Variants in KIRREL3 observed in about 807,000 individuals in gnomAD.
KIRREL3 encodes kirre like nephrin family adhesion molecule 3, also known as kin of IRRE-like protein 3.
KIRREL3 carries 36 observed loss-of-function variants against 89.7 expected under a neutral mutation model. The observed-to-expected ratio is 0.40, with a 90% confidence interval of 0.31 to 0.53. KIRREL3 has a LOEUF of 0.53. KIRREL3 is among the 20% of genes least tolerant of loss of function. The probability of loss-of-function intolerance (pLI) is 0.49; values close to 1 mark genes in which losing one functional copy is unlikely to be tolerated. For synonymous variants in KIRREL3, 445 were observed against 441.4 expected, an observed-to-expected ratio of 1.01 and a Z score of -0.10; for missense variants, 864 against 1,056.6, an observed-to-expected ratio of 0.82 and a Z score of 2.53.
rs1348152719 is a variant in KIRREL3, at chr11:126,544,585, T to C, written c.134-17898A>G. Among the ~76,000 whole-genome samples, 1 of 152,118 alleles carries C rather than the reference T, an allele frequency of 6.6e-6. No individual in the cohort carries two copies. The highest frequency in any genetic ancestry group is 6.5e-5 in the Admixed American group (1 of 15,282). On this transcript the variant is annotated intron_variant, in intron 2 of 16. Transcript: ENST00000525144. The surrounding 1 kb of genome is among the most constrained non-coding windows in gnomAD (Gnocchi z 5.6). ...GGACTTTCCATAGAGGGTCTTTGGC[T>C]GAGAGTCTGCAGCAGGAACCCAGAG... is the stretch of plus-strand genomic sequence containing the variant.
chr11:126,525,898 T>C lies in KIRREL3; in HGVS notation c.283+640A>G, dbSNP rs1010143797. ...ACTATTCACAATAGTTAACAAATGA[T>C]CTGTTGTCAGCACTGGCCAGTGAGT... On this transcript the variant is annotated intron_variant, in intron 3 of 16. Coordinates refer to ENST00000525144, the MANE Select transcript of KIRREL3 (RefSeq NM_032531.4). The surrounding 1 kb of genome is among the most constrained non-coding windows in gnomAD (Gnocchi z 5.4). Among the ~76,000 whole-genome samples the C allele has an allele frequency of 6.6e-6, 1 of 152,170 alleles. No homozygotes were observed. The highest frequency in any genetic ancestry group is 1.5e-5 in the Non-Finnish European group (1 of 68,038).
Position 126,474,309 on chromosome 11 carries a change from G to A in KIRREL3, c.434-843C>T, listed in dbSNP as rs1017181374. 1.3e-5 allele frequency among the ~76,000 whole-genome samples: 2 copies of A among 152,216 alleles called. No individual in the cohort carries two copies. Among genetic ancestry groups the A allele is most frequent in the Non-Finnish European group, 2.9e-5 (2 of 68,042 alleles). On this transcript the variant is annotated intron_variant, in intron 4 of 16. Coordinates refer to ENST00000525144, the MANE Select transcript of KIRREL3 (RefSeq NM_032531.4). The surrounding 1 kb of genome is among the most constrained non-coding windows in gnomAD (Gnocchi z 6.7). ...GCTGTCTGAGTTAGTCCTCACAACA[G>A]TCTGGTGAGGTCAACATTACCACCC...
intron 5 of KIRREL3, among the ~76,000 whole-genome samples, chr11:126,467,337 G>T (rs981503012): frequency 6.6e-6 from 1 of 152,188 alleles, no homozygotes; most frequent in African/African-American, 2.4e-5. Context: ...CCCAGGTATG[G>T]TTGTACACAG....
At chr11:126,629,819 C>G (rs1943942555) in intron 1 of KIRREL3, among the ~76,000 whole-genome samples, 1 of 152,188 alleles carries the variant, frequency 6.6e-6, no homozygotes, top group African/African-American at 2.4e-5. Flanking sequence ...AAAAGATGCT[C>G]TCCTTCCTGG....
chr11:126,897,545 G>C lies in KIRREL3; in HGVS notation c.55+102910C>G, dbSNP rs1422029158. 6.6e-6 allele frequency among the ~76,000 whole-genome samples: 1 copy of C among 152,092 alleles called. No homozygotes were observed. The highest frequency in any genetic ancestry group is 1.5e-5 in the Non-Finnish European group (1 of 68,014). On this transcript the variant is annotated intron_variant, in intron 1 of 16. Transcript: ENST00000525144. The surrounding 1 kb of genome is among the most constrained non-coding windows in gnomAD (Gnocchi z 4.2). The stretch of plus-strand genomic sequence containing the variant: ...AGAACAGGAAACCAGCTCCCACAGA[G>C]GGTTAAAGGCACAGCATCCTCCTGT...
At chr11:126,957,041 A>G (rs1948941947) in intron 1 of KIRREL3, among the ~76,000 whole-genome samples, 1 of 152,246 alleles carries the variant, frequency 6.6e-6, no homozygotes, top group African/African-American at 2.4e-5. Flanking sequence ...TACAGGAGAC[A>G]CATGTCCTGC....
At chr11:126,767,847 CA>C (rs1949877618) in intron 1 of KIRREL3, among the ~76,000 whole-genome samples, 1 of 152,170 alleles carries the variant, frequency 6.6e-6, no homozygotes, top group South Asian at 2.1e-4. Flanking sequence ...ATGTGGCTGA[CA>C]ATTTGATTGG....
chr11:126,682,401 A>G lies in KIRREL3; in HGVS notation c.56-119489T>C, dbSNP rs974058497. Among the ~76,000 whole-genome samples, 2 of 152,094 alleles carry G rather than the reference A, an allele frequency of 1.3e-5. No homozygotes were observed. The highest frequency in any genetic ancestry group is 2.9e-5 in the Non-Finnish European group (2 of 68,026). ...ATATCCTCCTCCCAGTGTTGCTGGG[A>G]GGATGAAGTGAGATGAATCTGGTGA... is the stretch of plus-strand genomic sequence containing the variant. On this transcript the variant is annotated intron_variant, in intron 1 of 16. Transcript: ENST00000525144. This position sits in a 1 kb window ranked among gnomAD's most constrained non-coding sequence, Gnocchi z 4.8.
rs752109289 is a variant in KIRREL3, at chr11:126,949,218, GT to G, written c.55+51236del. ...CATGGAACTCACACTCTTACTAGAA[GT>G]GCTGTACAGAAGCAGCGCATGAGAT... On this transcript the variant is annotated intron_variant, in intron 1 of 16. Coordinates refer to ENST00000525144, the MANE Select transcript of KIRREL3 (RefSeq NM_032531.4). 2.2e-4 allele frequency among the ~76,000 whole-genome samples: 33 copies of G among 152,306 alleles called. No homozygotes were observed. In the Middle Eastern group the frequency reaches 0.017, roughly 78 times the overall value.
Position 126,705,644 on chromosome 11 carries a change from G to T in KIRREL3, c.56-142732C>A, listed in dbSNP as rs1947498978. ...ATTTCTTTATAGTAATGTAAGAATGGTCTAACACTACGTATGTGCAAGTGT... is the reference window on the plus strand; with the variant it reads ...ATTTCTTTATAGTAATGTAAGAATGTTCTAACACTACGTATGTGCAAGTGT... On this transcript the variant is annotated intron_variant, in intron 1 of 16. Coordinates refer to ENST00000525144, the MANE Select transcript of KIRREL3 (RefSeq NM_032531.4). The surrounding 1 kb of genome is among the most constrained non-coding windows in gnomAD (Gnocchi z 4.3). 6.6e-6 allele frequency among the ~76,000 whole-genome samples: 1 copy of T among 151,646 alleles called. No individual in the cohort carries two copies. The highest frequency in any genetic ancestry group is 1.5e-5 in the Non-Finnish European group (1 of 68,036).
At chr11:126,469,216 C>G (rs373790380) in intron 5 of KIRREL3, among the ~76,000 whole-genome samples, 73 of 152,346 alleles carry the variant, frequency 4.8e-4, no homozygotes, top group African/African-American at 1.5e-3. Context: ...CCTGAGCCCA[C>G]GGGGATAATC....
intron 1 of KIRREL3, among the ~76,000 whole-genome samples, chr11:126,831,823 T>G (rs1384394084): frequency 6.6e-6 from 1 of 152,174 alleles, no homozygotes; most frequent in Non-Finnish European, 1.5e-5. Flanking sequence ...GGTGAGGGTT[T>G]GACATAACAG....
rs1325434910 is a variant in KIRREL3 at position 126,896,397 on chromosome 11, G to C, written c.55+104058C>G. 6.6e-6 allele frequency among the ~76,000 whole-genome samples: 1 copy of C among 152,238 alleles called. No individual in the cohort carries two copies. The highest frequency in any genetic ancestry group is 6.5e-5 in the Admixed American group (1 of 15,286). On this transcript the variant is annotated intron_variant, in intron 1 of 16. Transcript: ENST00000525144. The surrounding 1 kb of genome is among the most constrained non-coding windows in gnomAD (Gnocchi z 4.1). Reference sequence around the variant, plus strand: ...CTCTCCACATTTGACCTTGGTCTCTGAGATGCTCTTTGTGGCTCTCCTGTA... The same window carrying C: ...CTCTCCACATTTGACCTTGGTCTCTCAGATGCTCTTTGTGGCTCTCCTGTA...
In KIRREL3 at chr11:126,432,590, C is replaced by T. The variant is rs1955177625; in HGVS notation, c.1589-1064G>A. Among the ~76,000 whole-genome samples the T allele has an allele frequency of 6.6e-6, 1 of 152,072 alleles. No homozygotes were observed. Among genetic ancestry groups the T allele is most frequent in the South Asian group, 2.1e-4 (1 of 4,806 alleles). ...TCCCACCCCTCCACTCACCCCACTC[C>T]CACCCCGTCCAGCTCCACCCACAGA... On this transcript the variant is annotated intron_variant, in intron 13 of 16. Transcript: ENST00000525144. This position sits in a 1 kb window ranked among gnomAD's most constrained non-coding sequence, Gnocchi z 6.2.
chr11:126,636,292 G>T lies in KIRREL3; in HGVS notation c.56-73380C>A, dbSNP rs551044453. ...TTTCCTTTTTGAGCTAGTTGTGTTT[G>T]CTTGCTACGGAGGAAATACCCATTT... On this transcript the variant is annotated intron_variant, in intron 1 of 16. Coordinates refer to ENST00000525144, the MANE Select transcript of KIRREL3 (RefSeq NM_032531.4). The surrounding 1 kb of genome is among the most constrained non-coding windows in gnomAD (Gnocchi z 4.4). 9.9e-5 allele frequency among the ~76,000 whole-genome samples: 15 copies of T among 152,260 alleles called. No individual in the cohort carries two copies. Among genetic ancestry groups the T allele is most frequent in the Admixed American group, 9.2e-4 (14 of 15,284 alleles).
At chr11:126,721,022 C>T (rs994154828) in intron 1 of KIRREL3, among the ~76,000 whole-genome samples, 15 of 152,130 alleles carry the variant, frequency 9.9e-5, no homozygotes, top group Admixed American at 1.3e-4. Context: ...GGGCACCAGC[C>T]GAGCTGGCAA....
At chr11:126,577,243 G>A (rs1941301841) in intron 1 of KIRREL3, among the ~76,000 whole-genome samples, 1 of 152,144 alleles carries the variant, frequency 6.6e-6, no homozygotes, top group Non-Finnish European at 1.5e-5. Flanking sequence ...AATAAGCTGA[G>A]TGAGTTTGGG....
Position 126,489,086 on chromosome 11 carries a change from C to T in KIRREL3, c.434-15620G>A, listed in dbSNP as rs931934200. ...CTAGACTGCGCTTAGGCATCTGGAG[C>T]GCAGCAGTCAGTCTCATCCTGGGGT... On this transcript the variant is annotated intron_variant, in intron 4 of 16. Coordinates refer to ENST00000525144, the MANE Select transcript of KIRREL3 (RefSeq NM_032531.4). The surrounding 1 kb of genome is among the most constrained non-coding windows in gnomAD (Gnocchi z 5.5). Among the ~76,000 whole-genome samples the T allele has an allele frequency of 2.0e-5, 3 of 152,214 alleles. No individual in the cohort carries two copies. Among genetic ancestry groups the T allele is most frequent in the East Asian group, 1.9e-4 (1 of 5,186 alleles).
chr11:126,824,532 C>T (rs932349437), intron 1 of KIRREL3, among the ~76,000 whole-genome samples: 2 of 152,190 alleles, frequency 1.3e-5, no homozygotes, highest in African/African-American at 4.8e-5. Context: ...GGAAGTAGGT[C>T]TGTGCCTTTT....
Sources: gnomAD v4.1 joint callset for allele counts (sites outside exome capture counted in the v4.1 genomes callset) on GRCh38, gnomAD v4.1.1 for gene constraint, Gnocchi (gnomAD v3.1) non-coding constraint, MANE v1.5 for transcripts, NCBI Gene and HGNC (gene_info 2026-07-23, HGNC 2026-07-21) for gene names.